PCLO: variants seen among roughly 807,000 people sequenced by gnomAD.
PCLO encodes piccolo presynaptic cytomatrix protein.
Under a neutral mutation model 427.5 loss-of-function variants are expected in PCLO, and 82 were observed. That is an observed-to-expected ratio of 0.19 (90% confidence interval 0.16 to 0.23). The LOEUF is 0.23. PCLO is among the 10% of genes least tolerant of loss of function. PCLO has a pLI of 1.00. For synonymous variants in PCLO, 2,357 were observed against 2,155.4 expected (o/e 1.09, Z -2.59); for missense variants, 6,239 against 6,115.9 (o/e 1.02, Z -0.67).
chr7:83,098,116 C>T (rs1432756203), intron 3 of PCLO, among the ~76,000 whole-genome samples: 1 of 151,976 alleles, frequency 6.6e-6, no homozygotes, highest in Admixed American at 6.6e-5. Context: ...TCTCAATATG[C>T]TTTATATGGA....
intron 10 of PCLO, among the ~76,000 whole-genome samples, chr7:82,860,060 C>T (rs533492561): frequency 1.4e-4 from 21 of 151,910 alleles, no homozygotes; most frequent in African/African-American, 5.1e-4. Context: ...AAAAATAAAG[C>T]ACACCTACAG....
intron 20 of PCLO, among the ~76,000 whole-genome samples, chr7:82,816,462 C>T (rs1026931434): frequency 6.6e-6 from 1 of 152,016 alleles, no homozygotes; most frequent in African/African-American, 2.4e-5. Flanking sequence ...CATTTACTTG[C>T]CTGTCTTACT....
At chr7:82,877,018 T>G (rs1272960856) in intron 10 of PCLO, among the ~76,000 whole-genome samples, 1 of 152,136 alleles carries the variant, frequency 6.6e-6, no homozygotes. Context: ...CCAATTAAAT[T>G]GCAAAAATAT....
In PCLO at chr7:82,954,421, G is replaced by A. The variant is rs201432429; in HGVS notation, c.6532C>T (p.Pro2178Ser). 205 of 1,613,934 alleles carry A rather than the reference G, an allele frequency of 1.3e-4. No homozygotes were observed. The African/African-American group carries it at 2.6e-3, about 20-fold the overall frequency. ...GATGTGAGAGAAGGTGTGTCAGAGG[G>A]TGGGACAGATGTAGCACTTTCTGAA... The part of the protein sequence containing the change: ...EPSESATSVP[P>S]SDTPSLTSSV... Residue 2178 changes from proline to serine, a missense_variant, in exon 5 of 25, where the codon CCC becomes TCC. Transcript: ENST00000333891.
At chr7:82,801,403 T>C (rs1791349278) in intron 22 of PCLO, 115 bp downstream of exon 22, 1 of 608,842 alleles carries the variant, frequency 1.6e-6, no homozygotes, top group East Asian at 2.8e-5. Flanking sequence ...TACTACCTAT[T>C]GCTTTTGCCA....
chr7:82,933,139 G>A (rs948343643), intron 6 of PCLO, among the ~76,000 whole-genome samples: 4 of 152,022 alleles, frequency 2.6e-5, no homozygotes, highest in Non-Finnish European at 5.9e-5. Flanking sequence ...GACCCTCTCT[G>A]AATTACTGCC....
chr7:83,162,753 C>A lies in PCLO; in HGVS notation c.-161G>T. The A allele has an allele frequency of 1.1e-6, 1 of 916,420 alleles. No individual in the cohort carries two copies. The highest frequency in any genetic ancestry group is 1.6e-6 in the Non-Finnish European group (1 of 629,134). The allele number at this position is 916,420 out of a possible 1,614,324, so 56.8% of individuals were successfully genotyped here. A position where few individuals can be genotyped will look rare whatever the true frequency, so the allele number is the denominator to read the frequency against. The stretch of plus-strand genomic sequence containing the variant: ...AGGCACTGCCGCCCGGAACGCCAGG[C>A]AGGGGTTAGTCCCGCTCGCAGGTAA... On this transcript the variant is annotated 5_prime_UTR_variant, in exon 1 of 25. Transcript: ENST00000333891.
chr7:82,855,271 C>A (rs114321402), intron 10 of PCLO, among the ~76,000 whole-genome samples: 2,552 of 152,164 alleles, frequency 0.017, 67 homozygotes, highest in African/African-American at 0.058. Context: ...TAGTTTTAAT[C>A]TGTTATACTA....
chr7:82,988,352 A>G (rs1323800172), intron 3 of PCLO, among the ~76,000 whole-genome samples: 1 of 152,126 alleles, frequency 6.6e-6, no homozygotes, highest in East Asian at 1.9e-4. Context: ...ATAGAAAATA[A>G]TAATTGAAAA....
At chr7:83,088,581 T>C (rs970658700) in intron 3 of PCLO, among the ~76,000 whole-genome samples, 2 of 152,186 alleles carry the variant, frequency 1.3e-5, no homozygotes, top group African/African-American at 4.8e-5. Flanking sequence ...ACTCCACTAG[T>C]ATATTGCACA....
rs1047030781 is a variant in PCLO at position 82,913,388 on chromosome 7, G to C, written c.13300+1298C>G. On this transcript the variant is annotated intron_variant, in intron 7 of 24. Transcript: ENST00000333891. ...TTTTCACAAAAATGTGTATTTTCCTGTGAGTCCTCAAGAAAGATGTTATGT... is the reference window on the plus strand; with the variant it reads ...TTTTCACAAAAATGTGTATTTTCCTCTGAGTCCTCAAGAAAGATGTTATGT... 2.3e-4 allele frequency among the ~76,000 whole-genome samples: 35 copies of C among 151,986 alleles called. 2 individuals are homozygous for C.
intron 3 of PCLO, among the ~76,000 whole-genome samples, chr7:83,013,281 T>C (rs1788130136): frequency 6.6e-6 from 1 of 152,196 alleles, no homozygotes. Flanking sequence ...GCAAAATATA[T>C]GTAAAGTATT....
chr7:83,052,141 A>G (rs536014417), intron 3 of PCLO, among the ~76,000 whole-genome samples: 13 of 152,198 alleles, frequency 8.5e-5, no homozygotes, highest in Admixed American at 5.2e-4. Flanking sequence ...TATTTTAAAT[A>G]TAACACCCAA....
chr7:82,968,827 T>C (rs1795839079), intron 3 of PCLO, among the ~76,000 whole-genome samples: 2 of 152,154 alleles, frequency 1.3e-5, no homozygotes. Context: ...CCCCAGAGCC[T>C]GACTTTTTAA....
intron 3 of PCLO, among the ~76,000 whole-genome samples, chr7:83,043,622 T>G (rs1789025149): frequency 6.6e-6 from 1 of 152,208 alleles, no homozygotes; most frequent in Admixed American, 6.5e-5. Context: ...GCGTTAGTTT[T>G]CTCTTTCATG....
chr7:82,842,752 G>A (rs79001907), intron 13 of PCLO, among the ~76,000 whole-genome samples: 5,302 of 152,086 alleles, frequency 0.035, 157 homozygotes, highest in African/African-American at 0.078. Flanking sequence ...CAGAGATTTG[G>A]AATAGACATT....
At chr7:82,921,222 A>G (rs188822033) in intron 6 of PCLO, among the ~76,000 whole-genome samples, 1 of 152,092 alleles carries the variant, frequency 6.6e-6, no homozygotes, top group East Asian at 1.9e-4. Context: ...TTATAAAAAA[A>G]CTATTCTAAA....
In PCLO at chr7:82,819,363, T is replaced by C. The variant is rs371396384; in HGVS notation, c.14791+3132A>G. Among the ~76,000 whole-genome samples, 11 of 152,188 alleles carry C rather than the reference T, an allele frequency of 7.2e-5. No individual in the cohort carries two copies. In the East Asian group the frequency reaches 1.4e-3, roughly 19 times the overall value. ...ACTTTAATATAAATTTTAAGGACTA[T>C]GTCTAGGAAGAAAATCATATAAAAT... is the stretch of plus-strand genomic sequence containing the variant. On this transcript the variant is annotated intron_variant, in intron 20 of 24. Transcript: ENST00000333891.
chr7:82,939,149 T>C (rs915124746), intron 6 of PCLO, among the ~76,000 whole-genome samples: 7 of 152,100 alleles, frequency 4.6e-5, no homozygotes, highest in Non-Finnish European at 7.4e-5. Flanking sequence ...TATCTACTTA[T>C]TGGCACTGTC....
Sources: allele counts gnomAD v4.1 joint callset (sites outside exome capture counted in the v4.1 genomes callset), GRCh38; gene constraint gnomAD v4.1.1; transcripts MANE v1.5; gene names NCBI Gene and HGNC (gene_info 2026-07-23, HGNC 2026-07-21).